TMEM74: variants seen among roughly 807,000 people sequenced by gnomAD.
The protein encoded by TMEM74 is transmembrane protein 74.
A neutral mutation model predicts 18.1 loss-of-function variants in TMEM74; 13 were observed. That is an observed-to-expected ratio of 0.72 (90% CI 0.47 to 1.14). The LOEUF is 1.14. Ranked by LOEUF, TMEM74 falls within the 50% of genes most tolerant of loss-of-function variation. TMEM74 has a pLI of 0.00. For synonymous variants in TMEM74, 159 were observed against 146.6 expected, an observed-to-expected ratio of 1.08 and a Z score of -0.61; for missense variants, 372 against 375.9, an observed-to-expected ratio of 0.99 and a Z score of 0.09.
intron 1 of TMEM74, among the ~76,000 whole-genome samples, chr8:108,682,957 G>T (rs1813130852): frequency 6.6e-6 from 1 of 151,672 alleles, no homozygotes. Context: ...AAGGAATAAA[G>T]AAAAGACTGA....
At chr8:108,682,075 T>G (rs748267754) in intron 1 of TMEM74, among the ~76,000 whole-genome samples, 2 of 152,164 alleles carry the variant, frequency 1.3e-5, no homozygotes, top group Admixed American at 6.6e-5. Flanking sequence ...ATTAAAAATT[T>G]TCAGTGGTTT....
intron 1 of TMEM74, among the ~76,000 whole-genome samples, chr8:108,705,041 C>T (rs1179508755): frequency 6.6e-6 from 1 of 152,182 alleles, no homozygotes; most frequent in Non-Finnish European, 1.5e-5. Context: ...CACTTAGAAA[C>T]ATCACTTTTA....
intron 1 of TMEM74, among the ~76,000 whole-genome samples, chr8:108,719,894 C>T (rs184032611): frequency 1.3e-5 from 2 of 152,016 alleles, no homozygotes; most frequent in Admixed American, 6.6e-5. Context: ...AACACTGTTT[C>T]GATTTGTTGG....
intron 2 of TMEM74, among the ~76,000 whole-genome samples, chr8:108,635,295 G>T: frequency 6.6e-6 from 1 of 151,110 alleles, no homozygotes; most frequent in African/African-American, 2.4e-5. Context: ...TGTTACTGAT[G>T]TTCTCCCAGG....
At chr8:108,612,230 G>C (rs1173253139) in intron 2 of TMEM74, among the ~76,000 whole-genome samples, 1 of 151,470 alleles carries the variant, frequency 6.6e-6, no homozygotes, top group African/African-American at 2.4e-5. Flanking sequence ...TTATTTCTAT[G>C]TTAAAAAAAA....
intron 1 of TMEM74, among the ~76,000 whole-genome samples, chr8:108,724,257 C>T (rs1813612243): frequency 1.3e-5 from 2 of 152,198 alleles, no homozygotes; most frequent in Admixed American, 1.3e-4. Context: ...TTTCCCAAAA[C>T]ACATATTCTA....
rs1383033294 is a variant in TMEM74 at position 108,623,112 on chromosome 8, T to G, written n.265-14286A>C. 7.9e-5 allele frequency among the ~76,000 whole-genome samples: 12 copies of G among 152,244 alleles called. No homozygotes were observed. In the East Asian group the frequency reaches 2.1e-3, roughly 27 times the overall value. Reference sequence around the variant, plus strand: ...AAAAAAAACTAACCAACTCACAATTTTATTGGTCCTCTACTCCTTGTTTAG... The same window carrying G: ...AAAAAAAACTAACCAACTCACAATTGTATTGGTCCTCTACTCCTTGTTTAG... On this transcript the variant is annotated intron_variant and non_coding_transcript_variant, in intron 2 of 3. Transcript: ENST00000518838.
chr8:108,701,051 G>A (rs1451957714), intron 1 of TMEM74, among the ~76,000 whole-genome samples: 1 of 152,016 alleles, frequency 6.6e-6, no homozygotes, highest in East Asian at 1.9e-4. Flanking sequence ...TTGACCAAGT[G>A]GGATTTATTC....
chr8:108,723,446 A>G (rs1362657555), intron 1 of TMEM74, among the ~76,000 whole-genome samples: 1 of 151,428 alleles, frequency 6.6e-6, no homozygotes, highest in Non-Finnish European at 1.5e-5. Flanking sequence ...TTTCGTGTGT[A>G]TGTGTGTGTG....
At chr8:108,627,973 G>A (rs551037720) in intron 2 of TMEM74, among the ~76,000 whole-genome samples, 15 of 152,102 alleles carry the variant, frequency 9.9e-5, no homozygotes, top group South Asian at 6.2e-4. Flanking sequence ...CAGGAGGATC[G>A]CTTAAGACTG....
At chr8:108,656,860 A>C (rs1268409100) in intron 1 of TMEM74, among the ~76,000 whole-genome samples, 2 of 152,210 alleles carry the variant, frequency 1.3e-5, no homozygotes, top group Admixed American at 6.5e-5. Context: ...CCAATATCAT[A>C]TGATTCTCTA....
intron 1 of TMEM74, among the ~76,000 whole-genome samples, chr8:108,717,942 GTTTTTTTTTTTTTTT>G (rs869263977): frequency 1.7e-4 from 8 of 45,922 alleles, no homozygotes; most frequent in East Asian, 8.8e-4. Context: ...TCTGACTTAG[GTTTTTTTTTTTTTTT>G]TTTTTTTTTT....
chr8:108,656,755 C>A (rs1292875326), intron 1 of TMEM74, among the ~76,000 whole-genome samples: 1 of 152,108 alleles, frequency 6.6e-6, no homozygotes, highest in Middle Eastern at 3.4e-3. Flanking sequence ...ATGTAGGTAA[C>A]AAAATAAAGA....
At chr8:108,655,667 C>G (rs1434151905) in intron 1 of TMEM74, among the ~76,000 whole-genome samples, 1 of 152,082 alleles carries the variant, frequency 6.6e-6, no homozygotes, top group Non-Finnish European at 1.5e-5. Flanking sequence ...CAATTCCCAC[C>G]CTTGGCCATT....
intron 2 of TMEM74, among the ~76,000 whole-genome samples, chr8:108,651,034 A>G (rs946237771): frequency 6.6e-6 from 1 of 152,114 alleles, no homozygotes; most frequent in African/African-American, 2.4e-5. Flanking sequence ...TAATCACTTT[A>G]TTTAAAATTG....
chr8:108,712,247 C>A (rs900714292), intron 1 of TMEM74, among the ~76,000 whole-genome samples: 16 of 152,076 alleles, frequency 1.1e-4, no homozygotes, highest in Non-Finnish European at 1.8e-4. Flanking sequence ...CAATCCAATG[C>A]CAACTCTTTA....
intron 1 of TMEM74, among the ~76,000 whole-genome samples, chr8:108,724,131 G>T (rs1468971528): frequency 3.3e-5 from 5 of 152,174 alleles, no homozygotes; most frequent in Admixed American, 3.3e-4. Flanking sequence ...ACCCTTGTTT[G>T]CTGCCAAACC....
intron 1 of TMEM74, among the ~76,000 whole-genome samples, chr8:108,699,146 T>G: frequency 3.7e-5 from 1 of 26,948 alleles, no homozygotes; most frequent in East Asian, 1.0e-3. Flanking sequence ...CCTCCCTCTT[T>G]TCCTTCCTTC....
intron 1 of TMEM74, among the ~76,000 whole-genome samples, chr8:108,752,602 CT>C (rs978419084): frequency 5.9e-5 from 9 of 152,162 alleles, no homozygotes; most frequent in African/African-American, 2.2e-4. Context: ...AACTAACAAC[CT>C]AATTGCATGA....
Sources: gnomAD v4.1 joint callset for allele counts (sites outside exome capture counted in the v4.1 genomes callset) on GRCh38, gnomAD v4.1.1 for gene constraint, MANE v1.5 for transcripts, NCBI Gene and HGNC (gene_info 2026-07-23, HGNC 2026-07-21) for gene names.